TENM4: variants seen among roughly 807,000 people sequenced by gnomAD.
TENM4 encodes the protein teneurin-4.
A neutral mutation model predicts 243.3 loss-of-function variants in TENM4; 82 were observed. The observed-to-expected ratio is 0.34, with a 90% CI of 0.28 to 0.40. The LOEUF (loss-of-function observed/expected upper bound fraction) is 0.40. TENM4 is among the 10% of genes least tolerant of loss of function. The probability of loss-of-function intolerance (pLI) is 1.00; values close to 1 mark genes in which losing one functional copy is unlikely to be tolerated. For synonymous variants in TENM4, 1,412 were observed against 1,456.3 expected (o/e 0.97, Z 0.69); for missense variants, 3,138 against 3,673.3 (o/e 0.85, Z 3.77).
chr11:78,868,201 A>T (rs1040538227), intron 9 of TENM4, among the ~76,000 whole-genome samples: 7 of 152,204 alleles, frequency 4.6e-5, no homozygotes, highest in African/African-American at 1.7e-4. Context: ...ATGAACGGTA[A>T]CTACTCATCA....
At chr11:78,995,247 T>C (rs1858143315) in intron 6 of TENM4, among the ~76,000 whole-genome samples, 1 of 152,102 alleles carries the variant, frequency 6.6e-6, no homozygotes, top group Non-Finnish European at 1.5e-5. Flanking sequence ...CTCAGTGTGA[T>C]AGGATGAGAT....
chr11:79,179,574 AT>A (rs1863242124), intron 3 of TENM4, among the ~76,000 whole-genome samples: 2 of 145,582 alleles, frequency 1.4e-5, no homozygotes, highest in African/African-American at 2.4e-5. Flanking sequence ...TCTCTTTTTA[AT>A]TTTAAGAAAG....
At chr11:79,376,109 G>A (rs1857885587) in intron 1 of TENM4, among the ~76,000 whole-genome samples, 1 of 152,236 alleles carries the variant, frequency 6.6e-6, no homozygotes, top group South Asian at 2.1e-4. Flanking sequence ...CTGCTGGCCA[G>A]TCTGCCTGTC....
At chr11:79,292,517 C>T (rs1856373987) in intron 2 of TENM4, among the ~76,000 whole-genome samples, 1 of 152,230 alleles carries the variant, frequency 6.6e-6, no homozygotes, top group Non-Finnish European at 1.5e-5. Context: ...TCCTAGCCTT[C>T]ACCAGCTTTG....
chr11:79,399,910 A>C (rs77880681), intron 1 of TENM4, among the ~76,000 whole-genome samples: 1,642 of 152,256 alleles, frequency 0.011, 29 homozygotes, highest in African/African-American at 0.038. Context: ...GTTGGCTGGC[A>C]CACAACCAAC....
At chr11:79,229,837 T>G (rs563627519) in intron 2 of TENM4, among the ~76,000 whole-genome samples, 1 of 151,384 alleles carries the variant, frequency 6.6e-6, no homozygotes, top group South Asian at 2.1e-4. Context: ...TACACTTTTT[T>G]TTTTAACAGA....
intron 12 of TENM4, among the ~76,000 whole-genome samples, chr11:78,823,701 G>A (rs1187827288): frequency 1.3e-5 from 2 of 152,162 alleles, no homozygotes; most frequent in Non-Finnish European, 2.9e-5. Context: ...CGGATTCCTA[G>A]AAGCTTCTCG....
intron 2 of TENM4, among the ~76,000 whole-genome samples, chr11:79,241,961 T>C (rs1028557812): frequency 3.3e-5 from 5 of 152,204 alleles, no homozygotes; most frequent in Non-Finnish European, 5.9e-5. Flanking sequence ...GACCTGGGAT[T>C]GTGCAGAGTC....
Position 78,729,471 on chromosome 11 carries a change from T to G in TENM4, c.3311A>C (p.Lys1104Thr). 6.2e-7 allele frequency: 1 copy of G among 1,612,712 alleles called. No individual in the cohort carries two copies. The highest frequency in any genetic ancestry group is 8.5e-7 in the Non-Finnish European group (1 of 1,179,270). The change falls in exon 22 of 34, where the codon AAG (lysine) becomes ACG (threonine). Residue 1104 changes from lysine to threonine, a missense_variant. This residue lies in a region of TENM4 where 2,467 missense variants were observed against 3,059.1 expected (regional missense o/e 0.81). Coordinates refer to ENST00000278550, the MANE Select transcript of TENM4 (RefSeq NM_001098816.3). ...CAGGTCTGGGGCTGCAGCGAACCACTTCCTGAAGAGGCGGCCCTCCACCGC... is the reference window on the plus strand; with the variant it reads ...CAGGTCTGGGGCTGCAGCGAACCACGTCCTGAAGAGGCGGCCCTCCACCGC... Reference protein sequence around the residue: ...MVAVEGRLFRKWFAAAPDLSY... With the variant: ...MVAVEGRLFRTWFAAAPDLSY...
At chr11:79,401,492 T>A (rs908558288) in intron 1 of TENM4, among the ~76,000 whole-genome samples, 3 of 152,158 alleles carry the variant, frequency 2.0e-5, no homozygotes, top group Admixed American at 2.0e-4. Flanking sequence ...TATTAGGCAT[T>A]TTTGCTGGTT....
intron 1 of TENM4, among the ~76,000 whole-genome samples, chr11:79,365,120 A>T (rs1037185970): frequency 2.0e-5 from 3 of 152,236 alleles, no homozygotes; most frequent in Non-Finnish European, 2.9e-5. Flanking sequence ...AGCAAAGTAT[A>T]AATAGAAAAT....
intron 6 of TENM4, among the ~76,000 whole-genome samples, chr11:78,993,926 C>T (rs1408147979): frequency 6.6e-6 from 1 of 152,102 alleles, no homozygotes; most frequent in Non-Finnish European, 1.5e-5. Flanking sequence ...TTGTATACTG[C>T]ACATTATGGA....
At chr11:79,308,018 C>T (rs915768813) in intron 1 of TENM4, among the ~76,000 whole-genome samples, 1 of 152,228 alleles carries the variant, frequency 6.6e-6, no homozygotes, top group Non-Finnish European at 1.5e-5. Flanking sequence ...TAACTGAATG[C>T]CAACAAGGCT....
chr11:79,202,697 C>T (rs1863767260), intron 3 of TENM4, among the ~76,000 whole-genome samples: 1 of 152,182 alleles, frequency 6.6e-6, no homozygotes, highest in Non-Finnish European at 1.5e-5. Context: ...TCTGCTCTAA[C>T]TTCCACTGTG....
chr11:78,757,139 C>A (rs1856330426), intron 18 of TENM4, 118 bp from the exon 19 acceptor site: 1 of 1,076,302 alleles, frequency 9.3e-7, no homozygotes, highest in Non-Finnish European at 1.3e-6. Flanking sequence ...TTATTAAATG[C>A]TGATATAAGC....
intron 15 of TENM4, among the ~76,000 whole-genome samples, chr11:78,804,600 C>T (rs1003581234): frequency 2.0e-5 from 3 of 152,162 alleles, no homozygotes; most frequent in African/African-American, 7.2e-5. Context: ...AGGGTGCCAA[C>T]ATAATTATCC....
chr11:79,408,784 A>C (rs1858626083), intron 1 of TENM4, among the ~76,000 whole-genome samples: 1 of 152,198 alleles, frequency 6.6e-6, no homozygotes, highest in Admixed American at 6.5e-5. Context: ...TATGCAGTGG[A>C]AACCCATCAA....
At chr11:79,049,776 C>A (rs1444259791) in intron 6 of TENM4, among the ~76,000 whole-genome samples, 1 of 152,192 alleles carries the variant, frequency 6.6e-6, no homozygotes, top group Non-Finnish European at 1.5e-5. Flanking sequence ...ACACTTGGGG[C>A]CCTGAGTCTT....
intron 9 of TENM4, among the ~76,000 whole-genome samples, chr11:78,870,983 C>G (rs142972820): frequency 3.5e-4 from 53 of 152,256 alleles, no homozygotes; most frequent in Admixed American, 5.2e-4. Context: ...AGACCTCTTC[C>G]GTATATAACT....
Sources: allele counts gnomAD v4.1 joint callset (sites outside exome capture counted in the v4.1 genomes callset), GRCh38; gene constraint gnomAD v4.1.1; regional missense constraint gnomAD v4.1.1; transcripts MANE v1.5; gene names NCBI Gene and HGNC (gene_info 2026-07-23, HGNC 2026-07-21).